The following TLK2 variants were observed in gnomAD, a reference collection of about 807,000 sequenced individuals.
TLK2 encodes serine/threonine-protein kinase tousled-like 2.
In TLK2, 6 loss-of-function variants were observed where a neutral mutation model predicts 117.3. The ratio of observed to expected loss-of-function variants is 0.05; its 90% CI spans 0.03 to 0.10. The LOEUF (loss-of-function observed/expected upper bound fraction) is 0.10. TLK2 is among the 10% of genes least tolerant of loss of function. TLK2 has a pLI of 1.00. For synonymous variants in TLK2, 257 were observed against 316.7 expected (o/e 0.81, Z 2.00); for missense variants, 299 against 901.2 (o/e 0.33, Z 8.56).
upstream of TLK2, among the ~76,000 whole-genome samples, chr17:62,476,734 T>C (rs1175317451): frequency 6.6e-6 from 1 of 152,082 alleles, no homozygotes; most frequent in Non-Finnish European, 1.5e-5. Context: ...TCTGACTCCA[T>C]TGAGTGCTTT....
chr17:62,555,969 ATTAT>A (rs1357899342), intron 9 of TLK2, among the ~76,000 whole-genome samples: 2 of 151,834 alleles, frequency 1.3e-5, no homozygotes, highest in Non-Finnish European at 2.9e-5. Flanking sequence ...TTATTAATTA[ATTAT>A]TAATTTTTTG....
chr17:62,569,097 G>C (rs543886626), intron 11 of TLK2, among the ~76,000 whole-genome samples: 104 of 151,546 alleles, frequency 6.9e-4, no homozygotes, highest in African/African-American at 2.2e-3. Context: ...CTGAGGTCAG[G>C]AGTTCGAGAC....
chr17:62,589,452 G>T (rs775785026), intron 16 of TLK2, among the ~76,000 whole-genome samples: 8 of 152,162 alleles, frequency 5.3e-5, no homozygotes, highest in Non-Finnish European at 1.2e-4. Flanking sequence ...TAAATTCTCT[G>T]TATTTGTAGT....
chr17:62,575,098 A>G (rs2080673009), intron 12 of TLK2, among the ~76,000 whole-genome samples: 2 of 152,228 alleles, frequency 1.3e-5, no homozygotes, highest in South Asian at 4.1e-4. Context: ...CTTAGGAGTG[A>G]TAAAGAAAGC....
intron 6 of TLK2, among the ~76,000 whole-genome samples, chr17:62,527,976 CG>C (rs1484474639): frequency 6.6e-5 from 10 of 152,116 alleles, no homozygotes; most frequent in Admixed American, 5.9e-4. Flanking sequence ...CTCTTGACCT[CG>C]TGATCCGCCC....
intron 2 of TLK2, among the ~76,000 whole-genome samples, chr17:62,498,126 C>G (rs966875843): frequency 1.3e-5 from 2 of 152,102 alleles, no homozygotes; most frequent in African/African-American, 4.8e-5. Flanking sequence ...CTTTTGAATT[C>G]TGTGTGTGTA....
intron 12 of TLK2, among the ~76,000 whole-genome samples, chr17:62,573,629 T>C (rs898396087): frequency 2.6e-5 from 4 of 152,230 alleles, no homozygotes; most frequent in African/African-American, 9.6e-5. Flanking sequence ...CCACTCCTGG[T>C]TAACAAATAA....
intron 10 of TLK2, 135 bp downstream of exon 10, chr17:62,560,261 AT>A: frequency 1.5e-6 from 1 of 646,486 alleles, no homozygotes; most frequent in Non-Finnish European, 2.4e-6. Context: ...GACAATTAGA[AT>A]TTTTTCCTTA....
At chr17:62,472,934 A>G (rs1452834676) in intron 1 of TLK2, among the ~76,000 whole-genome samples, 2 of 152,202 alleles carry the variant, frequency 1.3e-5, no homozygotes, top group Non-Finnish European at 2.9e-5. Context: ...GTGGCTGTCC[A>G]CAGCAGACAG....
At chr17:62,532,232 C>T (rs979754) in intron 6 of TLK2, among the ~76,000 whole-genome samples, 143,614 of 152,082 alleles carry the variant, frequency 0.94, 67,993 homozygotes, top group East Asian at 1. Context: ...TAGTTTTTTT[C>T]CCCCCCCAGG....
chr17:62,521,646 A>G (rs547233659), intron 3 of TLK2, among the ~76,000 whole-genome samples: 23 of 152,228 alleles, frequency 1.5e-4, no homozygotes, highest in African/African-American at 5.3e-4. Flanking sequence ...TCAGCCTCCA[A>G]AGTGCTGGGA....
chr17:62,498,844 G>C (rs1598221065), intron 2 of TLK2, among the ~76,000 whole-genome samples: 1 of 151,998 alleles, frequency 6.6e-6, no homozygotes, highest in East Asian at 1.9e-4. Flanking sequence ...CTCAGCTCTT[G>C]ATCAGCGATT....
At chr17:62,488,977 C>T (rs2072798079) in intron 2 of TLK2, among the ~76,000 whole-genome samples, 1 of 151,706 alleles carries the variant, frequency 6.6e-6, no homozygotes, top group Non-Finnish European at 1.5e-5. Context: ...AGGCACACAC[C>T]ACCACACTTG....
intron 11 of TLK2, among the ~76,000 whole-genome samples, chr17:62,569,684 C>T (rs1233969122): frequency 6.6e-6 from 1 of 152,004 alleles, no homozygotes; most frequent in African/African-American, 2.4e-5. Context: ...ACCTTGGCCT[C>T]CCGAAGTGCT....
chr17:62,476,402 T>C (rs2071045872), upstream of TLK2, among the ~76,000 whole-genome samples: 1 of 151,572 alleles, frequency 6.6e-6, no homozygotes, highest in African/African-American at 2.4e-5. Flanking sequence ...GCCAACATAG[T>C]GAAACTCCGT....
intron 2 of TLK2, among the ~76,000 whole-genome samples, chr17:62,519,611 C>T (rs185698744): frequency 2.2e-4 from 34 of 152,086 alleles, no homozygotes; most frequent in Admixed American, 1.3e-4. Context: ...GTCAGGAGTT[C>T]GAGACCAGCC....
chr17:62,530,416 A>G (rs1253486208), intron 6 of TLK2, among the ~76,000 whole-genome samples: 1 of 152,190 alleles, frequency 6.6e-6, no homozygotes, highest in African/African-American at 2.4e-5. Context: ...GGAGCGAGCC[A>G]TGATCACACC....
intron 7 of TLK2, among the ~76,000 whole-genome samples, chr17:62,542,114 T>A (rs1211505518): frequency 2.0e-5 from 3 of 152,088 alleles, no homozygotes; most frequent in African/African-American, 7.3e-5. Flanking sequence ...AGCAAATAGT[T>A]TCCTAAATTA....
At chr17:62,503,039 G>A (rs779106789) in intron 2 of TLK2, among the ~76,000 whole-genome samples, 16 of 150,698 alleles carry the variant, frequency 1.1e-4, no homozygotes, top group Non-Finnish European at 1.9e-4. Flanking sequence ...CTCAGTTTCC[G>A]GCTTTGGCTT....
Sources: gnomAD v4.1 joint callset for allele counts (sites outside exome capture counted in the v4.1 genomes callset) on GRCh38, gnomAD v4.1.1 for gene constraint, MANE v1.5 for transcripts, NCBI Gene and HGNC (gene_info 2026-07-23, HGNC 2026-07-21) for gene names.